The following C3orf20 variants were observed in gnomAD, a reference collection of about 807,000 sequenced individuals.
C3orf20 encodes uncharacterized protein C3orf20.
In C3orf20, 76 loss-of-function variants were observed where a neutral mutation model predicts 88.3. The observed-to-expected ratio is 0.86, with a 90% CI of 0.72 to 1.04. The LOEUF (loss-of-function observed/expected upper bound fraction) is 1.04, where lower values mean the gene tolerates loss of function less well. Among genes scored for constraint, C3orf20 ranks in the 50% least tolerant of loss-of-function variants. C3orf20 has a pLI of 0.00. For missense variants in C3orf20, 1,056 were observed against 1,123.3 expected (o/e 0.94, Z 0.86); for synonymous variants, 436 against 437.4 (o/e 1.00, Z 0.04).
intron 12 of C3orf20, among the ~76,000 whole-genome samples, chr3:14,745,206 A>C (rs1006154408): frequency 3.3e-5 from 5 of 152,060 alleles, no homozygotes; most frequent in Non-Finnish European, 5.9e-5. Context: ...AGAGAGAGAG[A>C]GCAGTGAGGG....
At chr3:14,744,379 A>T (rs1385455547) in intron 12 of C3orf20, among the ~76,000 whole-genome samples, 1 of 151,964 alleles carries the variant, frequency 6.6e-6, no homozygotes, top group East Asian at 1.9e-4. Flanking sequence ...TATTGTCCAT[A>T]TCGCTGTCAA....
chr3:14,707,031 C>T (rs1440034101), intron 7 of C3orf20, among the ~76,000 whole-genome samples: 4 of 151,926 alleles, frequency 2.6e-5, no homozygotes, highest in African/African-American at 7.3e-5. Context: ...AGGCAGATCA[C>T]GAGGTCAGGA....
At position 14,772,903 on chromosome 3, in the gene C3orf20, C is replaced by G. The variant is rs1215403986; in HGVS notation, c.*28C>G. 6.3e-7 allele frequency: 1 copy of G among 1,587,740 alleles called. No individual in the cohort carries two copies. The highest frequency in any genetic ancestry group is 8.6e-7 in the Non-Finnish European group (1 of 1,156,982). ...CCATCCTGGCAGCAGCCAAGTGAGC[C>G]AGGCCCCGGCCCGGGGTGCTGGGGC... On this transcript the variant is annotated 3_prime_UTR_variant, in exon 17 of 17. Transcript: ENST00000253697. The surrounding 1 kb of genome is among the most constrained non-coding windows in gnomAD (Gnocchi z 4.2).
chr3:14,697,907 C>CAT (rs1329757196), intron 5 of C3orf20, among the ~76,000 whole-genome samples: 2 of 152,146 alleles, frequency 1.3e-5, no homozygotes, highest in Non-Finnish European at 2.9e-5. Flanking sequence ...TTTATGGCTG[C>CAT]ATAGTATTCC....
chr3:14,688,716 A>C lies in C3orf20; in HGVS notation c.626-1281A>C, dbSNP rs933410671. Reference sequence around the variant, plus strand: ...TATCATTAATAAAAATGCAAAAAAGAGGAAGCAATCCTGCCATCTTCATAT... The same window carrying C: ...TATCATTAATAAAAATGCAAAAAAGCGGAAGCAATCCTGCCATCTTCATAT... On this transcript the variant is annotated intron_variant, in intron 4 of 16. Coordinates refer to ENST00000253697, the MANE Select transcript of C3orf20 (RefSeq NM_032137.5). Among the ~76,000 whole-genome samples, 53 of 152,026 alleles carry C rather than the reference A, an allele frequency of 3.5e-4. 1 individual carries two copies. Among genetic ancestry groups the C allele is most frequent in the Admixed American group, 1.3e-3 (20 of 15,274 alleles).
At chr3:14,727,897 G>A (rs912463332) in intron 11 of C3orf20, among the ~76,000 whole-genome samples, 6 of 152,220 alleles carry the variant, frequency 3.9e-5, no homozygotes, top group Admixed American at 1.3e-4. Context: ...GAGTCTGGGA[G>A]TTCTGTCTTG....
rs73137404 is a variant in C3orf20 at position 14,703,005 on chromosome 3, G to A, written c.746-125G>A. 4,946 of 1,202,392 alleles carry A rather than the reference G, an allele frequency of 4.1e-3. 123 individuals carry two copies. The African/African-American group carries it at 0.064, about 16-fold the overall frequency. 74.5% of individuals were successfully genotyped at this position (1,202,392 alleles called of 1,614,324 possible). A position where few individuals can be genotyped will look rare whatever the true frequency, so the allele number is the denominator to read the frequency against. The stretch of plus-strand genomic sequence containing the variant: ...CCCATGCAAGTCTAAAATCCAGCGG[G>A]ACAAATTTTAAAGCTCCAAAATGAT... On this transcript the variant is annotated intron_variant, in intron 5 of 16. Coordinates refer to ENST00000253697, the MANE Select transcript of C3orf20 (RefSeq NM_032137.5).
chr3:14,725,869 GAAA>G (rs34447337), intron 10 of C3orf20, among the ~76,000 whole-genome samples: 5 of 132,486 alleles, frequency 3.8e-5, no homozygotes, highest in Non-Finnish European at 4.9e-5. Flanking sequence ...CAAAGGCAGT[GAAA>G]AAAAAAAAAA....
intron 7 of C3orf20, among the ~76,000 whole-genome samples, chr3:14,707,258 A>AAG (rs1309747654): frequency 6.6e-6 from 1 of 151,374 alleles, no homozygotes; most frequent in Admixed American, 6.6e-5. Context: ...CAAAAAAAAA[A>AAG]AAAAAAAAAG....
intron 5 of C3orf20, among the ~76,000 whole-genome samples, chr3:14,690,796 G>T (rs1287512197): frequency 4.6e-5 from 7 of 152,220 alleles, no homozygotes; most frequent in Non-Finnish European, 8.8e-5. Flanking sequence ...GTGGGGACAG[G>T]GTAGGTAGGA....
chr3:14,682,528 G>T (rs1202029187), intron 2 of C3orf20, 50 bp from the exon 3 acceptor site: 4 of 737,358 alleles, frequency 5.4e-6, no homozygotes, highest in Middle Eastern at 3.9e-4. Context: ...ACCTCCCCTT[G>T]CCCTACTATG....
chr3:14,708,111 C>T (rs563325674), intron 7 of C3orf20, among the ~76,000 whole-genome samples: 4 of 152,028 alleles, frequency 2.6e-5, no homozygotes, highest in Non-Finnish European at 4.4e-5. Context: ...CATGAGCCAC[C>T]GTGCCCGGCC....
At chr3:14,691,313 G>A (rs1162239310) in intron 5 of C3orf20, among the ~76,000 whole-genome samples, 1 of 152,164 alleles carries the variant, frequency 6.6e-6, no homozygotes, top group Non-Finnish European at 1.5e-5. Flanking sequence ...ATGTGCGCCT[G>A]GCTTAGTACT....
chr3:14,738,630 CTT>C (rs34407504), intron 12 of C3orf20, among the ~76,000 whole-genome samples: 3,203 of 73,334 alleles, frequency 0.044, 59 homozygotes, highest in African/African-American at 0.11. Context: ...CATGCCCGGC[CTT>C]TTTTTTTTTT....
intron 7 of C3orf20, among the ~76,000 whole-genome samples, chr3:14,711,318 T>A (rs1174799462): frequency 1.3e-5 from 2 of 152,236 alleles, no homozygotes; most frequent in African/African-American, 2.4e-5. Flanking sequence ...TGTCAGTTTT[T>A]AAATTTATAT....
At chr3:14,757,828 C>T (rs896851437) in intron 13 of C3orf20, among the ~76,000 whole-genome samples, 154 bp downstream of exon 13, 1 of 152,258 alleles carries the variant, frequency 6.6e-6, no homozygotes, top group African/African-American at 2.4e-5. Flanking sequence ...TGTGTGTACT[C>T]TCCTGTCTGC....
intron 6 of C3orf20, 69 bp from the exon 7 acceptor site, chr3:14,704,268 G>A: frequency 6.6e-7 from 1 of 1,523,254 alleles, no homozygotes; most frequent in Non-Finnish European, 9.0e-7. Context: ...CTAAGGAGGG[G>A]CTGTAGAGAG....
At chr3:14,708,047 C>T (rs2033594105) in intron 7 of C3orf20, among the ~76,000 whole-genome samples, 1 of 152,006 alleles carries the variant, frequency 6.6e-6, no homozygotes, top group East Asian at 1.9e-4. Context: ...TGAACTCACT[C>T]CTGACCTTAG....
chr3:14,708,182 A>G (rs890679641), intron 7 of C3orf20, among the ~76,000 whole-genome samples: 3 of 152,070 alleles, frequency 2.0e-5, no homozygotes, highest in Non-Finnish European at 4.4e-5. Flanking sequence ...AAGCATTTTG[A>G]GTTAATTTTT....
Sources: allele counts gnomAD v4.1 joint callset (sites outside exome capture counted in the v4.1 genomes callset), GRCh38; gene constraint gnomAD v4.1.1; non-coding constraint Gnocchi (gnomAD v3.1); transcripts MANE v1.5; gene names NCBI Gene and HGNC (gene_info 2026-07-23, HGNC 2026-07-21).